Variants in CFAP206 observed in about 807,000 individuals in gnomAD.
CFAP206 encodes the protein cilia and flagella associated protein 206.
Under a neutral mutation model 65.4 loss-of-function variants are expected in CFAP206, and 53 were observed. The ratio of observed to expected loss-of-function variants is 0.81; its 90% CI spans 0.65 to 1.02. The LOEUF (loss-of-function observed/expected upper bound fraction) is 1.02. Among genes scored for constraint, CFAP206 ranks in the 50% least tolerant of loss-of-function variants. CFAP206 has a pLI of 0.00. For synonymous variants in CFAP206, 250 were observed against 254.4 expected (o/e 0.98, Z 0.17); for missense variants, 663 against 753.2 (o/e 0.88, Z 1.40).
intron 3 of CFAP206, among the ~76,000 whole-genome samples, chr6:87,412,853 T>C (rs1387119443): frequency 6.6e-6 from 1 of 151,898 alleles, no homozygotes; most frequent in East Asian, 1.9e-4. Context: ...TAGAGACGGG[T>C]TTCACCATGT....
intron 1 of CFAP206, 52 bp from the exon 2 acceptor site, chr6:87,409,780 AAAT>A (rs1767698352): frequency 8.6e-7 from 1 of 1,157,328 alleles, no homozygotes; most frequent in Admixed American, 2.0e-5. Context: ...AAGAGGAAAA[AAAT>A]AAATTTGCAT....
chr6:87,458,377 T>A (rs915295803), intron 11 of CFAP206, among the ~76,000 whole-genome samples: 1 of 152,142 alleles, frequency 6.6e-6, no homozygotes, highest in Non-Finnish European at 1.5e-5. Flanking sequence ...CCCATATTTA[T>A]TACAGCACTA....
At chr6:87,455,543 G>T (rs73492283) in intron 11 of CFAP206, among the ~76,000 whole-genome samples, 6,573 of 151,770 alleles carry the variant, frequency 0.043, 196 homozygotes, top group Middle Eastern at 0.092. Context: ...AAATATAAAA[G>T]ATCAATAAAA....
intron 10 of CFAP206, among the ~76,000 whole-genome samples, chr6:87,431,903 T>A (rs1051538526): frequency 1.3e-5 from 2 of 152,184 alleles, no homozygotes; most frequent in African/African-American, 2.4e-5. Flanking sequence ...CTGGCATAGA[T>A]AGGATTTCTC....
intron 12 of CFAP206, 133 bp downstream of exon 12, chr6:87,461,298 T>A (rs567705170): frequency 1.8e-6 from 1 of 547,730 alleles, no homozygotes; most frequent in Admixed American, 4.3e-5. Flanking sequence ...AACAAAAATA[T>A]AATTTATAAC....
chr6:87,440,677 T>A (rs911635785), intron 11 of CFAP206, among the ~76,000 whole-genome samples: 2 of 152,202 alleles, frequency 1.3e-5, no homozygotes, highest in African/African-American at 4.8e-5. Flanking sequence ...AAGTAGAAAC[T>A]GGTTTTGATA....
At chr6:87,456,037 C>G (rs185615126) in intron 11 of CFAP206, among the ~76,000 whole-genome samples, 3 of 152,250 alleles carry the variant, frequency 2.0e-5, no homozygotes, top group Admixed American at 6.5e-5. Flanking sequence ...ATACCAAAAC[C>G]AGACAAAGAC....
chr6:87,423,073 C>T (rs1767974114), intron 7 of CFAP206, among the ~76,000 whole-genome samples: 1 of 151,908 alleles, frequency 6.6e-6, no homozygotes, highest in Non-Finnish European at 1.5e-5. Context: ...CGCGCCACCA[C>T]GCCTGGCTAA....
intron 11 of CFAP206, among the ~76,000 whole-genome samples, chr6:87,449,856 T>C (rs1182204485): frequency 6.6e-6 from 1 of 152,230 alleles, no homozygotes; most frequent in Non-Finnish European, 1.5e-5. Flanking sequence ...ATTTTTGCTT[T>C]TGTTGCCTGG....
chr6:87,455,088 AATTTTTGT>A (rs1768617124), intron 11 of CFAP206, among the ~76,000 whole-genome samples: 1 of 151,506 alleles, frequency 6.6e-6, no homozygotes, highest in Admixed American at 6.6e-5. Context: ...ATGGTCAGCT[AATTTTTGT>A]ATTTTTGTAG....
intron 11 of CFAP206, among the ~76,000 whole-genome samples, chr6:87,451,897 T>C (rs2127956355): frequency 6.6e-6 from 1 of 151,110 alleles, no homozygotes; most frequent in South Asian, 2.1e-4. Context: ...AAAATTCCGC[T>C]TCCCTGAAAG....
chr6:87,424,958 C>T (rs1015857569), intron 7 of CFAP206, among the ~76,000 whole-genome samples: 1 of 152,210 alleles, frequency 6.6e-6, no homozygotes, highest in Non-Finnish European at 1.5e-5. Flanking sequence ...TAATCAAGTA[C>T]ACATTTCCAC....
Position 87,452,472 on chromosome 6 carries a change from C to T in CFAP206, c.1495-8550C>T, listed in dbSNP as rs943769604. On this transcript the variant is annotated intron_variant, in intron 11 of 12. Coordinates refer to ENST00000369562, the MANE Select transcript of CFAP206 (RefSeq NM_001031743.3). Reference sequence around the variant, plus strand: ...ACCATCCAGGAAAACATGACCTCACCAAACAAACTAAATAAGGCACCAGGG... The same window carrying T: ...ACCATCCAGGAAAACATGACCTCACTAAACAAACTAAATAAGGCACCAGGG... Among the ~76,000 whole-genome samples the T allele has an allele frequency of 3.7e-4, 57 of 152,190 alleles. 1 individual carries two copies. Among genetic ancestry groups the T allele is most frequent in the African/African-American group, 1.3e-3 (52 of 41,522 alleles).
intron 3 of CFAP206, 95 bp downstream of exon 3, chr6:87,410,763 C>A (rs1767722073): frequency 1.1e-6 from 1 of 932,534 alleles, no homozygotes. Context: ...CTGCATGAAA[C>A]AAAAGCCCAC....
At chr6:87,427,774 GTTATA>G (rs996171895) in intron 8 of CFAP206, among the ~76,000 whole-genome samples, 9 of 151,774 alleles carry the variant, frequency 5.9e-5, no homozygotes, top group African/African-American at 2.2e-4. Context: ...TCTTAATATT[GTTATA>G]TTTTATTAGA....
intron 7 of CFAP206, among the ~76,000 whole-genome samples, chr6:87,421,801 G>C (rs908659594): frequency 6.6e-6 from 1 of 152,040 alleles, no homozygotes; most frequent in Non-Finnish European, 1.5e-5. Flanking sequence ...ATTTTTGCAG[G>C]GCCCATTCAC....
chr6:87,449,369 G>A (rs143353595), intron 11 of CFAP206, among the ~76,000 whole-genome samples: 1,632 of 143,706 alleles, frequency 0.011, 35 homozygotes, highest in African/African-American at 0.04. Context: ...CCCAGGAGGC[G>A]AAGCTTGCAG....
At chr6:87,412,008 C>T (rs1038634666) in intron 3 of CFAP206, among the ~76,000 whole-genome samples, 1 of 152,140 alleles carries the variant, frequency 6.6e-6, no homozygotes, top group Non-Finnish European at 1.5e-5. Flanking sequence ...ATTGGAAAGC[C>T]GTGGAAGAGA....
chr6:87,444,095 T>C (rs1024258402), intron 11 of CFAP206, among the ~76,000 whole-genome samples: 39 of 152,342 alleles, frequency 2.6e-4, no homozygotes, highest in African/African-American at 9.4e-4. Flanking sequence ...ATTATTGATA[T>C]CTAATTTTTA....
Sources: allele counts gnomAD v4.1 joint callset (sites outside exome capture counted in the v4.1 genomes callset), GRCh38; gene constraint gnomAD v4.1.1; transcripts MANE v1.5; gene names NCBI Gene and HGNC (gene_info 2026-07-23, HGNC 2026-07-21).